Variants in GPHN observed in about 807,000 individuals in gnomAD.
GPHN encodes gephyrin.
A neutral mutation model predicts 95.5 loss-of-function variants in GPHN; 17 were observed. That is an observed-to-expected ratio of 0.18 (90% CI 0.12 to 0.27). The LOEUF is 0.27. Among genes scored for constraint, GPHN ranks in the 10% least tolerant of loss-of-function variants. GPHN has a pLI of 1.00. For missense variants in GPHN, 660 were observed against 978.1 expected, an observed-to-expected ratio of 0.67 and a Z score of 4.34; for synonymous variants, 320 against 322.5, an observed-to-expected ratio of 0.99 and a Z score of 0.08.
At chr14:67,025,970 A>G (rs1406463424) in intron 10 of GPHN, among the ~76,000 whole-genome samples, 3 of 152,224 alleles carry the variant, frequency 2.0e-5, no homozygotes, top group Admixed American at 1.3e-4. Context: ...TGAAAGATCT[A>G]CTTTGGACCA....
intron 2 of GPHN, among the ~76,000 whole-genome samples, chr14:66,740,648 A>G (rs971740003): frequency 1.3e-5 from 2 of 151,914 alleles, no homozygotes; most frequent in African/African-American, 4.8e-5. Flanking sequence ...TTCCTGTGGT[A>G]AGTGCTTATC....
At chr14:67,533,228 T>A in the GPHN span, 2 of 150,586 alleles carry the variant, frequency 1.3e-5, no homozygotes, top group East Asian at 4.0e-4. Flanking sequence ...CGGGCACCCC[T>A]CCCGCTCCAG....
chr14:66,817,600 C>G (rs778076009), intron 3 of GPHN, among the ~76,000 whole-genome samples: 1 of 152,084 alleles, frequency 6.6e-6, no homozygotes, highest in Non-Finnish European at 1.5e-5. Flanking sequence ...GGAATATTTT[C>G]TCATGTCATT....
At position 66,508,392 on chromosome 14, in the gene GPHN, C is replaced by T. The variant is rs576374379; in HGVS notation, c.-136C>T. 3 of 823,466 alleles carry T rather than the reference C, an allele frequency of 3.6e-6. No homozygotes were observed. The highest frequency in any genetic ancestry group is 3.5e-5 in the Admixed American group (2 of 57,258). 51.0% of individuals were successfully genotyped at this position (823,466 alleles called of 1,614,324 possible). On this transcript the variant is annotated 5_prime_UTR_variant, in exon 1 of 23. Transcript: ENST00000478722. The stretch of plus-strand genomic sequence containing the variant: ...GCCACCGTGCACTCTGTGGCCTCCC[C>T]CTCCTTCCCCGCTCTCCTCGCGCTT...
intron 1 of GPHN, among the ~76,000 whole-genome samples, chr14:66,534,381 A>G (rs942483262): frequency 1.3e-5 from 2 of 152,128 alleles, no homozygotes; most frequent in Non-Finnish European, 2.9e-5. Context: ...CTTCATGTAA[A>G]GGGAATGACT....
At chr14:67,731,190 A>T in the GPHN span, among the ~76,000 whole-genome samples, 1 of 145,448 alleles carries the variant, frequency 6.9e-6, no homozygotes, top group African/African-American at 2.5e-5. Flanking sequence ...TGTGTTTCTC[A>T]TCATATTTCT....
At chr14:67,531,681 G>A in the GPHN span, among the ~76,000 whole-genome samples, 1 of 150,262 alleles carries the variant, frequency 6.7e-6, no homozygotes. Context: ...TTGGGAGGCC[G>A]AGGCAGGAGG....
intron 2 of GPHN, among the ~76,000 whole-genome samples, chr14:66,728,095 A>T (rs950882654): frequency 6.6e-6 from 1 of 152,172 alleles, no homozygotes; most frequent in African/African-American, 2.4e-5. Context: ...ATGTGGCTTC[A>T]GAGGGTGCAA....
At chr14:67,083,211 G>A (rs918982573) in intron 11 of GPHN, among the ~76,000 whole-genome samples, 6 of 151,866 alleles carry the variant, frequency 4.0e-5, no homozygotes. Context: ...CTAACTGATT[G>A]ATAGTATTTG....
intron 17 of GPHN, among the ~76,000 whole-genome samples, chr14:67,132,494 G>A (rs2079783258): frequency 6.6e-6 from 1 of 151,792 alleles, no homozygotes; most frequent in Non-Finnish European, 1.5e-5. Context: ...CTCCTAGCAA[G>A]CTGGGATAGA....
chr14:66,929,223 T>C (rs2066651250), intron 8 of GPHN, among the ~76,000 whole-genome samples: 1 of 151,940 alleles, frequency 6.6e-6, no homozygotes, highest in Non-Finnish European at 1.5e-5. Context: ...GCCCAGCTAA[T>C]TTTTGTGTTT....
At position 66,698,640 on chromosome 14, in the gene GPHN, A is replaced by G. The variant is rs150985980; in HGVS notation, c.143+17455A>G. On this transcript the variant is annotated intron_variant, in intron 2 of 22. Coordinates refer to ENST00000478722, the MANE Select transcript of GPHN (RefSeq NM_020806.5). ...CACAGTCTTACTCATTCACCTATGT[A>G]TTACCTATGGGTGGTTTCACTGTAC... Among the ~76,000 whole-genome samples the G allele has an allele frequency of 1.2e-3, 185 of 152,320 alleles. 3 individuals carry two copies. Among genetic ancestry groups the G allele is most frequent in the Non-Finnish European group, 7.4e-5 (5 of 68,026 alleles).
At chr14:66,612,279 T>C (rs1244462845) in intron 1 of GPHN, among the ~76,000 whole-genome samples, 1 of 151,980 alleles carries the variant, frequency 6.6e-6, no homozygotes, top group Non-Finnish European at 1.5e-5. Context: ...AACTTCTTTT[T>C]AATTTTTTTG....
At chr14:67,064,843 G>C (rs2075979432) in intron 11 of GPHN, among the ~76,000 whole-genome samples, 1 of 152,080 alleles carries the variant, frequency 6.6e-6, no homozygotes, top group Non-Finnish European at 1.5e-5. Flanking sequence ...TATTAGTCAT[G>C]CTAGCGGTCT....
At chr14:67,468,403 C>G in the GPHN span, among the ~76,000 whole-genome samples, 1 of 152,176 alleles carries the variant, frequency 6.6e-6, no homozygotes, top group Non-Finnish European at 1.5e-5. Context: ...GAGACAGGCA[C>G]CCAGGAAGAC....
At chr14:67,045,605 CTGTCTG>C (rs1416623718) in intron 10 of GPHN, among the ~76,000 whole-genome samples, 1 of 150,846 alleles carries the variant, frequency 6.6e-6, no homozygotes, top group African/African-American at 2.4e-5. Context: ...CTCTCTGTCT[CTGTCTG>C]TGTCTCTGTC....
intron 11 of GPHN, among the ~76,000 whole-genome samples, chr14:67,087,048 A>C (rs1225199738): frequency 6.6e-6 from 1 of 151,748 alleles, no homozygotes; most frequent in Non-Finnish European, 1.5e-5. Context: ...AAAAAAAAAA[A>C]AAAAAAAACT....
chr14:67,218,780 C>T, the GPHN span, among the ~76,000 whole-genome samples: 35 of 151,932 alleles, frequency 2.3e-4, no homozygotes, highest in Non-Finnish European at 4.9e-4. Flanking sequence ...GTTCAGGGGT[C>T]TCTCTCATTT....
chr14:66,665,074 T>G (rs2065875967), intron 1 of GPHN, among the ~76,000 whole-genome samples: 1 of 150,354 alleles, frequency 6.7e-6, no homozygotes, highest in South Asian at 2.1e-4. Context: ...GCTGGTACCA[T>G]TCCTACTGAA....
Sources: allele counts gnomAD v4.1 joint callset (sites outside exome capture counted in the v4.1 genomes callset), GRCh38; gene constraint gnomAD v4.1.1; transcripts MANE v1.5; gene names NCBI Gene and HGNC (gene_info 2026-07-23, HGNC 2026-07-21).